The following ZMYM4 variants were observed in gnomAD, a reference collection of about 807,000 sequenced individuals.
ZMYM4 encodes zinc finger MYM-type protein 4.
A neutral mutation model predicts 183.2 loss-of-function variants in ZMYM4; 31 were observed. The ratio of observed to expected loss-of-function variants is 0.17; its 90% CI spans 0.13 to 0.23. The LOEUF (loss-of-function observed/expected upper bound fraction) is 0.23, where lower values mean the gene tolerates loss of function less well. ZMYM4 is among the 10% of genes least tolerant of loss of function. ZMYM4 has a pLI of 1.00. For synonymous variants in ZMYM4, 592 were observed against 631.2 expected, an observed-to-expected ratio of 0.94 and a Z score of 0.93; for missense variants, 1,273 against 1,840.3, an observed-to-expected ratio of 0.69 and a Z score of 5.64.
intron 23 of ZMYM4, among the ~76,000 whole-genome samples, chr1:35,402,814 G>A (rs1274294130): frequency 7.1e-6 from 1 of 141,422 alleles, no homozygotes; most frequent in Non-Finnish European, 1.5e-5. Context: ...CATATTATCT[G>A]TGAATAAAGA....
chr1:35,296,661 G>C (rs1199587424), intron 1 of ZMYM4, among the ~76,000 whole-genome samples: 2 of 151,954 alleles, frequency 1.3e-5, no homozygotes, highest in African/African-American at 4.8e-5. Context: ...GGCATCTATT[G>C]CACATGAGGA....
intron 2 of ZMYM4, among the ~76,000 whole-genome samples, chr1:35,337,043 A>G (rs1328904057): frequency 2.6e-5 from 4 of 152,190 alleles, no homozygotes; most frequent in African/African-American, 7.2e-5. Context: ...CTCTCCAGCC[A>G]TGCTGAACTT....
intron 2 of ZMYM4, among the ~76,000 whole-genome samples, chr1:35,346,234 G>GC (rs1358513291): frequency 1.3e-5 from 2 of 152,186 alleles, no homozygotes; most frequent in Non-Finnish European, 1.5e-5. Context: ...AGGCTGCTAT[G>GC]CAGGAGGGTT....
chr1:35,405,198 A>G lies in ZMYM4; in HGVS notation c.3700+4A>G, dbSNP rs1570538595. On this transcript the variant is annotated splice_donor_region_variant and intron_variant, in intron 24 of 29. Transcript: ENST00000314607. ...CAGGGGGATCTAAAATGTGGAGGTA[A>G]GTGCACAGCATGAATTGTATCTTGA... 6.2e-7 allele frequency: 1 copy of G among 1,613,402 alleles called. No individual in the cohort carries two copies. Among genetic ancestry groups the G allele is most frequent in the Non-Finnish European group, 8.5e-7 (1 of 1,179,488 alleles).
At chr1:35,410,602 C>T (rs569484095) in intron 26 of ZMYM4, among the ~76,000 whole-genome samples, 57 of 151,782 alleles carry the variant, frequency 3.8e-4, no homozygotes, top group African/African-American at 1.3e-3. Flanking sequence ...CATTTTCCTG[C>T]GTCAGCCTCC....
rs567205888 is a variant in ZMYM4, at chr1:35,386,484, A to G, written c.1836+295A>G. On this transcript the variant is annotated intron_variant, in intron 11 of 29. Transcript: ENST00000314607. ...AACAACCAGATAGTGAGAACTCACTATCACCAGAACAGCAGGGGAGAAATC... is the reference window on the plus strand; with the variant it reads ...AACAACCAGATAGTGAGAACTCACTGTCACCAGAACAGCAGGGGAGAAATC... Among the ~76,000 whole-genome samples, 6 of 152,286 alleles carry G rather than the reference A, an allele frequency of 3.9e-5. No homozygotes were observed. The East Asian group carries it at 7.7e-4, about 20-fold the overall frequency.
At chr1:35,304,609 C>T (rs1407886120) in intron 1 of ZMYM4, among the ~76,000 whole-genome samples, 2 of 151,198 alleles carry the variant, frequency 1.3e-5, no homozygotes, top group Non-Finnish European at 3.0e-5. Context: ...ATAGCGTGTG[C>T]CACAATGCCT....
At chr1:35,328,180 C>T (rs1036368353) in intron 2 of ZMYM4, among the ~76,000 whole-genome samples, 1 of 152,180 alleles carries the variant, frequency 6.6e-6, no homozygotes, top group African/African-American at 2.4e-5. Context: ...TGGAGTTCTA[C>T]ACCCAACATT....
At chr1:35,403,987 G>A (rs1163615858) in intron 23 of ZMYM4, among the ~76,000 whole-genome samples, 2 of 152,110 alleles carry the variant, frequency 1.3e-5, no homozygotes, top group Admixed American at 6.5e-5. Context: ...ACCTGCCTCA[G>A]CCTCCCAAAG....
intron 5 of ZMYM4, 69 bp downstream of exon 5, chr1:35,361,858 A>G (rs1040706472): frequency 2.6e-6 from 4 of 1,536,856 alleles, no homozygotes; most frequent in East Asian, 2.3e-5. Context: ...TGAGAGAGGA[A>G]GTGCTTAAGA....
chr1:35,291,534 A>C (rs1456574888), intron 1 of ZMYM4, among the ~76,000 whole-genome samples: 1 of 151,030 alleles, frequency 6.6e-6, no homozygotes, highest in Non-Finnish European at 1.5e-5. Flanking sequence ...ATGTCTTTCT[A>C]CCTGCTCTTC....
intron 27 of ZMYM4, among the ~76,000 whole-genome samples, chr1:35,415,231 C>G (rs188780279): frequency 6.6e-6 from 1 of 152,222 alleles, no homozygotes; most frequent in African/African-American, 2.4e-5. Flanking sequence ...AACCCCTAAT[C>G]TAAAATATCA....
intron 1 of ZMYM4, among the ~76,000 whole-genome samples, chr1:35,302,112 G>C (rs775271505): frequency 2.0e-5 from 3 of 150,340 alleles, no homozygotes; most frequent in Non-Finnish European, 4.4e-5. Flanking sequence ...GCAGTCTCTA[G>C]AACAAGGGTC....
chr1:35,307,507 T>G (rs1437299363), intron 1 of ZMYM4, among the ~76,000 whole-genome samples: 2 of 149,956 alleles, frequency 1.3e-5, no homozygotes, highest in Non-Finnish European at 3.0e-5. Flanking sequence ...TAAAAAAAAT[T>G]TTTAATTATT....
chr1:35,386,239 T>TC (rs779975733), intron 11 of ZMYM4, 50 bp downstream of exon 11: 1 of 1,335,758 alleles, frequency 7.5e-7, no homozygotes, highest in Non-Finnish European at 1.1e-6. Flanking sequence ...TCACCTACTG[T>TC]ATGAGTCTGT....
At chr1:35,361,852 A>G in intron 5 of ZMYM4, 63 bp downstream of exon 5, 1 of 1,550,574 alleles carries the variant, frequency 6.4e-7, no homozygotes, top group Non-Finnish European at 8.7e-7. Context: ...TTCATTTGAG[A>G]GAGGAAGTGC....
At chr1:35,306,673 G>T (rs1411730459) in intron 1 of ZMYM4, among the ~76,000 whole-genome samples, 1 of 151,952 alleles carries the variant, frequency 6.6e-6, no homozygotes, top group Non-Finnish European at 1.5e-5. Flanking sequence ...TTCAAGGTTG[G>T]GCATATATGG....
At chr1:35,309,643 G>T (rs776904936) in intron 1 of ZMYM4, among the ~76,000 whole-genome samples, 4 of 152,076 alleles carry the variant, frequency 2.6e-5, no homozygotes, top group Non-Finnish European at 5.9e-5. Context: ...GAAAGCAGTT[G>T]TCTGCCTTTG....
At chr1:35,328,307 A>G (rs1448523543) in intron 2 of ZMYM4, among the ~76,000 whole-genome samples, 2 of 152,086 alleles carry the variant, frequency 1.3e-5, no homozygotes, top group Non-Finnish European at 2.9e-5. Context: ...TTTTAGAGAC[A>G]GGGTCTTGCA....
Sources: allele counts gnomAD v4.1 joint callset (sites outside exome capture counted in the v4.1 genomes callset), GRCh38; gene constraint gnomAD v4.1.1; transcripts MANE v1.5; gene names NCBI Gene and HGNC (gene_info 2026-07-23, HGNC 2026-07-21).